The following SPIRE2 variants were observed in gnomAD, a reference collection of about 807,000 sequenced individuals.
The protein encoded by SPIRE2 is protein spire homolog 2.
In SPIRE2, 76 loss-of-function variants were observed where a neutral mutation model predicts 80.7. That is an observed-to-expected ratio of 0.94 (90% CI 0.78 to 1.14). SPIRE2 has a LOEUF of 1.14. Among genes scored for constraint, SPIRE2 ranks in the 50% most tolerant of loss-of-function variants. SPIRE2 has a pLI of 0.00. For missense variants in SPIRE2, 1,196 were observed against 1,015.3 expected, an observed-to-expected ratio of 1.18 and a Z score of -2.42; for synonymous variants, 535 against 432.6, an observed-to-expected ratio of 1.24 and a Z score of -2.94.
intron 1 of SPIRE2, among the ~76,000 whole-genome samples, chr16:89,844,348 G>A (rs1046794100): frequency 6.6e-6 from 1 of 151,094 alleles, no homozygotes; most frequent in Non-Finnish European, 1.5e-5. Context: ...TTTGTATTTT[G>A]TACTTTTAGT....
chr16:89,861,099 C>G (rs1419164428), intron 10 of SPIRE2, among the ~76,000 whole-genome samples: 1 of 152,124 alleles, frequency 6.6e-6, no homozygotes, highest in Non-Finnish European at 1.5e-5. Flanking sequence ...GTGCCCTGTG[C>G]CTGGAGGTCA....
In SPIRE2 at chr16:89,870,000, G is replaced by A. The variant is rs371729453; in HGVS notation, c.1923-50G>A. 12 of 1,517,180 alleles carry A rather than the reference G, an allele frequency of 7.9e-6. No individual in the cohort carries two copies. In the African/African-American group the frequency reaches 1.4e-4, roughly 17 times the overall value. 94.0% of individuals were successfully genotyped at this position (1,517,180 alleles called of 1,614,324 possible). ...GGCATGCACAAGCAGGGAGGGGGGT[G>A]TGGCACCCTGGCTGGCTCCTCTCCC... On this transcript the variant is annotated intron_variant, in intron 14 of 14. Coordinates refer to ENST00000378247, the MANE Select transcript of SPIRE2 (RefSeq NM_032451.2).
intron 1 of SPIRE2, among the ~76,000 whole-genome samples, chr16:89,842,979 G>A (rs1243088384): frequency 6.6e-6 from 1 of 152,226 alleles, no homozygotes; most frequent in Non-Finnish European, 1.5e-5. Flanking sequence ...GAGTTAGCAG[G>A]TCCACTGAGC....
intron 1 of SPIRE2, among the ~76,000 whole-genome samples, chr16:89,837,078 G>A (rs1050734647): frequency 1.3e-5 from 2 of 152,130 alleles, no homozygotes; most frequent in Non-Finnish European, 2.9e-5. Flanking sequence ...AAAGCTGCCC[G>A]TGCCTGGCCC....
chr16:89,860,211 A>C (rs1440726066), intron 9 of SPIRE2, among the ~76,000 whole-genome samples: 1 of 152,136 alleles, frequency 6.6e-6, no homozygotes, highest in Admixed American at 6.5e-5. Context: ...TGGACCCTCT[A>C]TACCACATGG....
chr16:89,863,720 G>C lies in SPIRE2; in HGVS notation c.1711-74G>C. 2 of 1,605,974 alleles carry C rather than the reference G, an allele frequency of 1.2e-6. No homozygotes were observed. The highest frequency in any genetic ancestry group is 1.7e-6 in the Non-Finnish European group (2 of 1,172,728). ...CTCATGATCTGGTTGGGAGCCCTGAGGGGGTAGCAGGGACAGGGCGGGACC... is the reference window on the plus strand; with the variant it reads ...CTCATGATCTGGTTGGGAGCCCTGACGGGGTAGCAGGGACAGGGCGGGACC... On this transcript the variant is annotated intron_variant, in intron 11 of 14. Transcript: ENST00000378247. This position sits in a 1 kb window ranked among gnomAD's most constrained non-coding sequence, Gnocchi z 4.3.
intron 1 of SPIRE2, among the ~76,000 whole-genome samples, chr16:89,836,926 C>T (rs1347860032): frequency 6.6e-6 from 1 of 151,952 alleles, no homozygotes; most frequent in Non-Finnish European, 1.5e-5. Context: ...ACCTGGGAGG[C>T]GGAGGTTGTG....
chr16:89,836,833 GAAAA>G (rs893097618), intron 1 of SPIRE2, among the ~76,000 whole-genome samples: 5 of 149,040 alleles, frequency 3.4e-5, no homozygotes, highest in East Asian at 2.0e-4. Context: ...AAAAAAAAAA[GAAAA>G]AAAGAAAGTT....
chr16:89,865,004 CTTTTTTTTTT>C (rs398042284), intron 12 of SPIRE2, among the ~76,000 whole-genome samples: 5 of 125,362 alleles, frequency 4.0e-5, no homozygotes, highest in African/African-American at 8.6e-5. Context: ...ACTTTTTTTC[CTTTTTTTTTT>C]TTTTTTTTTT....
chr16:89,839,787 G>T (rs895947516), intron 1 of SPIRE2, among the ~76,000 whole-genome samples: 1 of 152,240 alleles, frequency 6.6e-6, no homozygotes, highest in Non-Finnish European at 1.5e-5. Flanking sequence ...CAGAGAGCAT[G>T]GGCTCCCCCA....
intron 10 of SPIRE2, among the ~76,000 whole-genome samples, chr16:89,861,771 TGTGAGCA>T (rs2041746486): frequency 1.3e-5 from 2 of 152,148 alleles, no homozygotes; most frequent in Non-Finnish European, 2.9e-5. Flanking sequence ...TTCACCCAGC[TGTGAGCA>T]GGAGGCGTGA....
Position 89,855,640 on chromosome 16 carries a change from A to G in SPIRE2, c.932A>G (p.His311Arg), listed in dbSNP as rs922381662. Residue 311 changes from histidine (H) to arginine (R), a missense_variant, in exon 6 of 15, where the codon CAC becomes CGC. Physicochemically the swap from His to Arg is conservative, Grantham distance 29. Transcript: ENST00000378247. Reference sequence around the variant, plus strand: ...CCGCCCCGGGTGAAGAAGGACGCTCACGAGCTCATCCTGGACTTTATCCGC... The same window carrying G: ...CCGCCCCGGGTGAAGAAGGACGCTCGCGAGCTCATCCTGGACTTTATCCGC... ...DIPPRVKKDA[H>R]ELILDFIRSR... 4.3e-6 allele frequency: 7 copies of G among 1,612,698 alleles called. No individual in the cohort carries two copies. The East Asian group carries it at 1.6e-4, about 36-fold the overall frequency.
Position 89,850,389 on chromosome 16 carries a change from T to C in SPIRE2, c.374T>C (p.Leu125Pro), listed in dbSNP as rs1217122368. 1 of 1,598,440 alleles carries C rather than the reference T, an allele frequency of 6.3e-7. No homozygotes were observed. ...ESEERELSPQ[L>P]ERLIDLMANN... ...GAGGAGCGCGAACTCAGCCCTCAGC[T>C]GGAGCGGCTCATCGACCTCATGGCC... The change falls in exon 3 of 15, where the codon CTG (leucine) becomes CCG (proline). Residue 125 changes from leucine (L) to proline (P), a missense_variant. Physicochemically the swap from Leu to Pro is moderately conservative, Grantham distance 98. Coordinates refer to ENST00000378247, the MANE Select transcript of SPIRE2 (RefSeq NM_032451.2).
intron 3 of SPIRE2, 64 bp from the exon 4 acceptor site, chr16:89,854,222 G>A (rs1311875553): frequency 1.1e-5 from 16 of 1,476,404 alleles, no homozygotes; most frequent in Admixed American, 7.4e-5. Context: ...CCTGACGGAC[G>A]GGGCCCGTCT....
chr16:89,870,305 C>T lies in SPIRE2; in HGVS notation c.*33C>T. 6.9e-7 allele frequency: 1 copy of T among 1,447,602 alleles called. No homozygotes were observed. Among genetic ancestry groups the T allele is most frequent in the Non-Finnish European group, 9.5e-7 (1 of 1,050,238 alleles). 89.7% of individuals were successfully genotyped at this position (1,447,602 alleles called of 1,614,324 possible). A position where few individuals can be genotyped will look rare whatever the true frequency, so the allele number is the denominator to read the frequency against. On this transcript the variant is annotated 3_prime_UTR_variant, in exon 15 of 15. Coordinates refer to ENST00000378247, the MANE Select transcript of SPIRE2 (RefSeq NM_032451.2). ...AGGTGGCCAGGCCTCCAGGAGGCAC[C>T]AGGCAGGCCCTGTATCAGGCTAGGA...
chr16:89,857,225 C>T (rs949080626), intron 7 of SPIRE2, among the ~76,000 whole-genome samples: 1 of 151,002 alleles, frequency 6.6e-6, no homozygotes, highest in Admixed American at 6.6e-5. Context: ...CAGCCTCAAC[C>T]TCTCAGGCTC....
intron 1 of SPIRE2, among the ~76,000 whole-genome samples, chr16:89,840,608 G>A (rs2143789529): frequency 6.8e-6 from 1 of 148,016 alleles, no homozygotes; most frequent in East Asian, 2.0e-4. Flanking sequence ...AGTTGGAGAT[G>A]GTTTGCATAA....
At chr16:89,857,456 T>C (rs939438603) in intron 7 of SPIRE2, among the ~76,000 whole-genome samples, 1 of 152,094 alleles carries the variant, frequency 6.6e-6, no homozygotes, top group Non-Finnish European at 1.5e-5. Flanking sequence ...TTATACCCTA[T>C]TGTCCTGGTC....
rs1050718434 is a variant in SPIRE2, at chr16:89,869,973, G to A, written c.1923-77G>A. The A allele has an allele frequency of 8.5e-6, 11 of 1,289,186 alleles. No individual in the cohort carries two copies. In the East Asian group the frequency reaches 1.5e-4, roughly 17 times the overall value. The allele number at this position is 1,289,186 out of a possible 1,614,324, so 79.9% of individuals were successfully genotyped here. On this transcript the variant is annotated intron_variant, in intron 14 of 14. Coordinates refer to ENST00000378247, the MANE Select transcript of SPIRE2 (RefSeq NM_032451.2). ...GGTGAAAGGCAGCCAGGAGGGGGCT[G>A]TGGCATGCACAAGCAGGGAGGGGGG...
Sources: gnomAD v4.1 joint callset for allele counts (sites outside exome capture counted in the v4.1 genomes callset) on GRCh38, gnomAD v4.1.1 for gene constraint, Gnocchi (gnomAD v3.1) non-coding constraint, MANE v1.5 for transcripts, NCBI Gene and HGNC (gene_info 2026-07-23, HGNC 2026-07-21) for gene names.